The following GEMIN7 variants were observed in gnomAD, a reference collection of about 807,000 sequenced individuals.
The protein encoded by GEMIN7 is gem-associated protein 7.
In GEMIN7, 7 loss-of-function variants were observed where a neutral mutation model predicts 7.8. The ratio of observed to expected loss-of-function variants is 0.90; its 90% CI spans 0.51 to 1.69. The LOEUF (loss-of-function observed/expected upper bound fraction) is 1.69. Ranked by LOEUF, GEMIN7 falls within the 40% of genes most tolerant of loss-of-function variation. The pLI is 0.00. For synonymous variants in GEMIN7, 68 were observed against 72.4 expected (o/e 0.94, Z 0.31); for missense variants, 159 against 176.2 (o/e 0.90, Z 0.55).
At chr19:45,089,662 G>C (rs1267751389) in intron 2 of GEMIN7, among the ~76,000 whole-genome samples, 2 of 152,026 alleles carry the variant, frequency 1.3e-5, no homozygotes, top group Admixed American at 1.3e-4. Context: ...TCAGCCTCCT[G>C]AGTAGCCCAG....
intron 2 of GEMIN7, among the ~76,000 whole-genome samples, chr19:45,083,471 TCTATTTGGGCCAC>T (rs1021764657): frequency 1.3e-4 from 20 of 151,990 alleles, no homozygotes; most frequent in African/African-American, 4.3e-4. Context: ...CAAGGAGGAT[TCTATTTGGGCCAC>T]CTATGGGCAT....
At chr19:45,076,412 G>C (rs1481629057), upstream of GEMIN7, 3 of 1,224,870 alleles carry the variant, frequency 2.4e-6, no homozygotes, top group African/African-American at 3.1e-5. This position sits in a 1 kb window ranked among gnomAD's most constrained non-coding sequence, Gnocchi z 4.9. Flanking sequence ...GGGCAGGCAG[G>C]CAGGCGGGCG....
At position 45,090,317 on chromosome 19, in the gene GEMIN7, G is replaced by A. The variant is rs539996423; in HGVS notation, c.203G>A (p.Arg68His). 17 of 1,614,120 alleles carry A rather than the reference G, an allele frequency of 1.1e-5. No individual in the cohort carries two copies. The Middle Eastern group carries it at 6.6e-4, about 63-fold the overall frequency. ...ARAALRERYL[R>H]SLLAMVGHQV... is the part of the protein sequence containing the mutation. ...GCCGCCCTTCGGGAGCGTTACCTCC[G>A]CAGCCTGCTGGCCATGGTGGGTCAT... Residue 68 changes from arginine to histidine, a missense_variant, in exon 3 of 3, where the codon CGC becomes CAC. Transcript: ENST00000270257.
intron 2 of GEMIN7, among the ~76,000 whole-genome samples, chr19:45,084,037 C>G (rs1269621332): frequency 6.6e-6 from 1 of 151,172 alleles, no homozygotes; most frequent in African/African-American, 2.4e-5. Flanking sequence ...ATGGGGAAAC[C>G]CCGTCTCTAC....
chr19:45,080,951 A>G (rs1177187682), intron 2 of GEMIN7, among the ~76,000 whole-genome samples: 1 of 152,074 alleles, frequency 6.6e-6, no homozygotes, highest in Non-Finnish European at 1.5e-5. Flanking sequence ...TAGGCTCAGG[A>G]AAGACCCTGG....
intron 2 of GEMIN7, among the ~76,000 whole-genome samples, chr19:45,087,044 A>G (rs1967716276): frequency 6.6e-6 from 1 of 151,822 alleles, no homozygotes; most frequent in Admixed American, 6.6e-5. Context: ...ACGGGGTTTC[A>G]CCATGTTGAT....
In GEMIN7 at chr19:45,080,022, G is replaced by A. The variant is rs948498130; in HGVS notation, c.-16G>A. On this transcript the variant is annotated 5_prime_UTR_variant, in exon 2 of 3. Transcript: ENST00000270257. ...CCTCTCTGGAGCACCGGGGCCACCA[G>A]GAGGGAGGTCTGTGAAACCCCTGCC... 1 of 152,340 alleles carries A rather than the reference G, an allele frequency of 6.6e-6. No homozygotes were observed. The highest frequency in any genetic ancestry group is 1.5e-5 in the Non-Finnish European group (1 of 68,064). The allele number at this position is 152,340 out of a possible 1,614,324, so 9.4% of individuals were successfully genotyped here. A position where few individuals can be genotyped will look rare whatever the true frequency, so the allele number is the denominator to read the frequency against.
At chr19:45,087,306 G>A (rs1005345971) in intron 2 of GEMIN7, among the ~76,000 whole-genome samples, 3 of 152,120 alleles carry the variant, frequency 2.0e-5, no homozygotes, top group Non-Finnish European at 2.9e-5. Flanking sequence ...CACCACGTCC[G>A]GCTGATTTTT....
At chr19:45,076,134 G>A (rs760464152), upstream of GEMIN7, 9 of 1,557,636 alleles carry the variant, frequency 5.8e-6, no homozygotes, top group African/African-American at 9.7e-5. This position sits in a 1 kb window ranked among gnomAD's most constrained non-coding sequence, Gnocchi z 4.9. Flanking sequence ...GGCCGAGGGC[G>A]AGGAGGGCGG....
At chr19:45,084,152 A>T (rs1427675436) in intron 2 of GEMIN7, among the ~76,000 whole-genome samples, 1 of 143,076 alleles carries the variant, frequency 7.0e-6, no homozygotes, top group Non-Finnish European at 1.5e-5. Flanking sequence ...CGGACGTTGT[A>T]GTGAGCCAAG....
At chr19:45,080,765 GTTTT>G (rs57306662) in intron 2 of GEMIN7, among the ~76,000 whole-genome samples, 2 of 135,650 alleles carry the variant, frequency 1.5e-5, no homozygotes, top group Admixed American at 7.5e-5. Context: ...CTTGTTTTTT[GTTTT>G]TTTTTTTTTT....
At chr19:45,077,628 C>A (rs1938431679), upstream of GEMIN7, among the ~76,000 whole-genome samples, 1 of 152,186 alleles carries the variant, frequency 6.6e-6, no homozygotes, top group Non-Finnish European at 1.5e-5. Context: ...GAGTTCTGCA[C>A]ATTGTTATTC....
At chr19:45,087,139 C>G (rs1254048349) in intron 2 of GEMIN7, among the ~76,000 whole-genome samples, 1 of 150,564 alleles carries the variant, frequency 6.6e-6, no homozygotes, top group Non-Finnish European at 1.5e-5. Flanking sequence ...GCCACCGCGC[C>G]CAGCCAATGT....
chr19:45,076,272 G>T (rs746011047), upstream of GEMIN7: 10 of 1,489,822 alleles, frequency 6.7e-6, no homozygotes, highest in Non-Finnish European at 7.1e-6. The surrounding 1 kb of genome is among the most constrained non-coding windows in gnomAD (Gnocchi z 4.9). Context: ...GCTCGGGCTT[G>T]AGTTCGATGA....
intron 2 of GEMIN7, among the ~76,000 whole-genome samples, chr19:45,080,782 T>TC (rs1555735693): frequency 0.012 from 1,733 of 148,440 alleles, 17 homozygotes; most frequent in Non-Finnish European, 0.02. Context: ...TTTTTTTTTT[T>TC]CCTGATGGAG....
At position 45,088,872 on chromosome 19, in the gene GEMIN7, G is replaced by GAAT. The variant is rs1376695058; in HGVS notation, c.-8-1233_-8-1231dup. ...TTTGTGTTTGCCCTTTACAGTGAATGAATATCTTATAAGTCTGTTAAGACT... is the reference window on the plus strand; with the variant it reads ...TTTGTGTTTGCCCTTTACAGTGAATGAATAATATCTTATAAGTCTGTTAAGACT... On this transcript the variant is annotated intron_variant, in intron 2 of 2. Coordinates refer to ENST00000270257, the MANE Select transcript of GEMIN7 (RefSeq NM_024707.3). Among the ~76,000 whole-genome samples the GAAT allele has an allele frequency of 2.4e-4, 36 of 151,708 alleles. 1 individual carries two copies. The highest frequency in any genetic ancestry group is 8.7e-4 in the African/African-American group (36 of 41,306).
In GEMIN7 at chr19:45,080,771, T is replaced by G. The variant is rs564015952; in HGVS notation, c.-9+742T>G. Among the ~76,000 whole-genome samples, 695 of 150,202 alleles carry G rather than the reference T, an allele frequency of 4.6e-3. 13 individuals are homozygous for G. Among genetic ancestry groups the G allele is most frequent in the African/African-American group, 0.012 (509 of 40,902 alleles). On this transcript the variant is annotated intron_variant, in intron 2 of 2. Coordinates refer to ENST00000270257, the MANE Select transcript of GEMIN7 (RefSeq NM_024707.3). ...CAAATCTCCCTTGTTTTTTGTTTTTTTTTTTTTTTTTCCTGATGGAGAAAA... is the reference window on the plus strand; with the variant it reads ...CAAATCTCCCTTGTTTTTTGTTTTTGTTTTTTTTTTTCCTGATGGAGAAAA...
intron 1 of GEMIN7, 34 bp from the exon 2 acceptor site, chr19:45,079,873 T>G (rs1352099144): frequency 6.6e-6 from 1 of 152,244 alleles, no homozygotes; most frequent in African/African-American, 2.4e-5. Context: ...TGTGTGTGTC[T>G]GTGGACACGT....
chr19:45,086,777 A>C (rs767358400), intron 2 of GEMIN7, among the ~76,000 whole-genome samples: 1 of 152,190 alleles, frequency 6.6e-6, no homozygotes, highest in Non-Finnish European at 1.5e-5. Context: ...AATGGAAGAG[A>C]AAACTGTCTC....
Sources: allele counts gnomAD v4.1 joint callset (sites outside exome capture counted in the v4.1 genomes callset), GRCh38; gene constraint gnomAD v4.1.1; non-coding constraint Gnocchi (gnomAD v3.1); transcripts MANE v1.5; gene names NCBI Gene and HGNC (gene_info 2026-07-23, HGNC 2026-07-21).